The following RALGPS2 variants were observed in gnomAD, a reference collection of about 807,000 sequenced individuals.
The protein encoded by RALGPS2 is Ral GEF with PH domain and SH3 binding motif 2.
Under a neutral mutation model 86.8 loss-of-function variants are expected in RALGPS2, and 43 were observed. The ratio of observed to expected loss-of-function variants is 0.50; its 90% CI spans 0.39 to 0.64. The LOEUF (loss-of-function observed/expected upper bound fraction) is 0.64. Among genes scored for constraint, RALGPS2 ranks in the 30% least tolerant of loss-of-function variants. RALGPS2 has a pLI of 0.00. For missense variants in RALGPS2, 536 were observed against 694.6 expected, an observed-to-expected ratio of 0.77 and a Z score of 2.57; for synonymous variants, 243 against 231.3, an observed-to-expected ratio of 1.05 and a Z score of -0.46.
chr1:178,784,613 C>G (rs1653558535), intron 3 of RALGPS2, 91 bp downstream of exon 3: 1 of 935,200 alleles, frequency 1.1e-6, no homozygotes, highest in Non-Finnish European at 1.5e-6. Context: ...GCAAAAGAGA[C>G]AGCTTTTAGA....
chr1:178,864,850 A>G, intron 8 of RALGPS2: 6 of 727,520 alleles, frequency 8.2e-6, no homozygotes, highest in South Asian at 5.9e-5. Context: ...TAATGTACAT[A>G]TATAACATCG....
chr1:178,879,952 G>A (rs367663727), intron 10 of RALGPS2, among the ~76,000 whole-genome samples: 5 of 151,640 alleles, frequency 3.3e-5, no homozygotes, highest in East Asian at 1.9e-4. Flanking sequence ...AAAACTGCTG[G>A]GTTTTTTTTT....
intron 8 of RALGPS2, among the ~76,000 whole-genome samples, chr1:178,872,267 C>A (rs1452388680): frequency 6.6e-6 from 1 of 152,160 alleles, no homozygotes; most frequent in Non-Finnish European, 1.5e-5. Flanking sequence ...ACCTCTTTCA[C>A]AGAATCATTT....
At chr1:178,877,955 T>C (rs1416418385) in intron 9 of RALGPS2, among the ~76,000 whole-genome samples, 1 of 152,130 alleles carries the variant, frequency 6.6e-6, no homozygotes, top group Non-Finnish European at 1.5e-5. Context: ...TATTTGGCCC[T>C]TTATAGCACA....
At chr1:178,741,405 A>G (rs576885732) in intron 1 of RALGPS2, among the ~76,000 whole-genome samples, 7 of 152,338 alleles carry the variant, frequency 4.6e-5, no homozygotes, top group South Asian at 4.1e-4. Flanking sequence ...TAAATATCTA[A>G]TTCCTTTTCA....
intron 8 of RALGPS2, chr1:178,852,910 T>A: frequency 6.2e-7 from 1 of 1,613,712 alleles, no homozygotes; most frequent in Non-Finnish European, 8.5e-7. Flanking sequence ...ATAGATATTT[T>A]CCAGTCCAAG....
At chr1:178,801,409 A>C (rs1260019864) in intron 4 of RALGPS2, among the ~76,000 whole-genome samples, 1 of 152,182 alleles carries the variant, frequency 6.6e-6, no homozygotes, top group Non-Finnish European at 1.5e-5. Flanking sequence ...AGAGATTATT[A>C]TGTGCCAGTC....
intron 7 of RALGPS2, among the ~76,000 whole-genome samples, chr1:178,824,986 G>A (rs757552497): frequency 3.3e-5 from 5 of 152,226 alleles, no homozygotes; most frequent in Non-Finnish European, 7.4e-5. Flanking sequence ...TGGTATGGGA[G>A]AGGTGTTGGA....
In RALGPS2 at chr1:178,783,978, TTTAA is replaced by T. The variant is rs528680117; in HGVS notation, c.58-435_58-432del. The stretch of plus-strand genomic sequence containing the variant: ...ACTAAGAATGGATTATATGTAACTC[TTTAA>T]TTAACAGCATTCTGAATATTTTCTG... On this transcript the variant is annotated intron_variant, in intron 2 of 19. Coordinates refer to ENST00000367635, the MANE Select transcript of RALGPS2 (RefSeq NM_152663.5). 4.3e-4 allele frequency among the ~76,000 whole-genome samples: 65 copies of T among 152,278 alleles called. No individual in the cohort carries two copies. In the Middle Eastern group the frequency reaches 0.01, roughly 24 times the overall value.
At position 178,746,563 on chromosome 1, in the gene RALGPS2, T is replaced by C. The variant is rs183095949; in HGVS notation, c.-84+21144T>C. The C allele has an allele frequency of 4.4e-4, 286 of 644,768 alleles. 1 individual carries two copies. Among genetic ancestry groups the C allele is most frequent in the Admixed American group, 9.0e-4 (37 of 41,094 alleles). The allele number at this position is 644,768 out of a possible 1,614,324, so 39.9% of individuals were successfully genotyped here. A position where few individuals can be genotyped will look rare whatever the true frequency, so the allele number is the denominator to read the frequency against. ...CAAGTTTACTTTGTAAACAAACAAC[T>C]GTGAGGCAATCTAGAGGGTTAGCGA... On this transcript the variant is annotated intron_variant, in intron 1 of 19. Transcript: ENST00000367635.
intron 8 of RALGPS2, among the ~76,000 whole-genome samples, chr1:178,863,007 T>A (rs1190958167): frequency 6.6e-6 from 1 of 152,178 alleles, no homozygotes; most frequent in Non-Finnish European, 1.5e-5. Flanking sequence ...ACTCTTCAAT[T>A]GTTAAATCTT....
At chr1:178,752,350 G>GGC (rs940008977) in intron 1 of RALGPS2, among the ~76,000 whole-genome samples, 3 of 151,216 alleles carry the variant, frequency 2.0e-5, no homozygotes, top group African/African-American at 7.3e-5. Context: ...GGTGGCGGGG[G>GGC]GGAGGGTCTC....
At chr1:178,741,772 G>A (rs545901100) in intron 1 of RALGPS2, among the ~76,000 whole-genome samples, 110 of 152,056 alleles carry the variant, frequency 7.2e-4, no homozygotes, top group Non-Finnish European at 1.2e-3. Context: ...AAAGCAAATA[G>A]CAAAATATAA....
intron 8 of RALGPS2, among the ~76,000 whole-genome samples, chr1:178,862,632 TGG>T (rs1264068538): frequency 1.4e-4 from 21 of 148,200 alleles, no homozygotes; most frequent in Admixed American, 4.6e-4. Flanking sequence ...TTTATTTATT[TGG>T]TTGGTTGGTT....
At chr1:178,727,898 G>T (rs762969812) in intron 1 of RALGPS2, among the ~76,000 whole-genome samples, 2 of 152,152 alleles carry the variant, frequency 1.3e-5, no homozygotes, top group Admixed American at 6.5e-5. Context: ...TTGTTTAAAA[G>T]TTTAAGAAGT....
intron 1 of RALGPS2, among the ~76,000 whole-genome samples, chr1:178,767,930 A>G (rs1652594547): frequency 6.6e-6 from 1 of 152,136 alleles, no homozygotes; most frequent in South Asian, 2.1e-4. Flanking sequence ...CTGAGTTCCC[A>G]CAGAGCACAA....
intron 5 of RALGPS2, 87 bp downstream of exon 5, chr1:178,808,215 C>T (rs1329788531): frequency 1.1e-6 from 1 of 932,998 alleles, no homozygotes; most frequent in Non-Finnish European, 1.7e-6. Flanking sequence ...CTTTTTACAT[C>T]AGTTCTGGAA....
chr1:178,827,059 A>G (rs1375454155), intron 7 of RALGPS2, among the ~76,000 whole-genome samples: 2 of 152,236 alleles, frequency 1.3e-5, no homozygotes, highest in African/African-American at 2.4e-5. Flanking sequence ...GCATTTCTGT[A>G]CATTAATAAC....
intron 1 of RALGPS2, among the ~76,000 whole-genome samples, chr1:178,776,244 T>C (rs530939582): frequency 9.4e-4 from 143 of 152,316 alleles, no homozygotes; most frequent in African/African-American, 3.3e-3. Context: ...ATTTGTGATA[T>C]GTTGGTAATC....
Sources: allele counts gnomAD v4.1 joint callset (sites outside exome capture counted in the v4.1 genomes callset), GRCh38; gene constraint gnomAD v4.1.1; transcripts MANE v1.5; gene names NCBI Gene and HGNC (gene_info 2026-07-23, HGNC 2026-07-21).